Variants in WASHC2C observed in about 807,000 individuals in gnomAD.
WASHC2C encodes the protein WASH complex subunit 2C.
In WASHC2C, 73 loss-of-function variants were observed where a neutral mutation model predicts 142.2. That is an observed-to-expected ratio of 0.51 (90% CI 0.43 to 0.62). The LOEUF is 0.62. WASHC2C is among the 20% of genes least tolerant of loss of function. WASHC2C has a pLI of 0.00. For synonymous variants in WASHC2C, 337 were observed against 565.5 expected (o/e 0.60, Z 5.73); for missense variants, 969 against 1,531.7 (o/e 0.63, Z 6.13).
intron 30 of WASHC2C, among the ~76,000 whole-genome samples, chr10:45,791,459 A>C (rs1360342901): frequency 6.8e-6 from 1 of 147,266 alleles, no homozygotes; most frequent in East Asian, 1.9e-4. Context: ...ATCAATATAT[A>C]CCCACCTTTT....
intron 3 of WASHC2C, among the ~76,000 whole-genome samples, chr10:45,732,502 A>T (rs2134075190): frequency 6.6e-6 from 1 of 152,332 alleles, no homozygotes; most frequent in South Asian, 2.1e-4. Context: ...CAAGTGCCAT[A>T]GTTAATGACT....
intron 7 of WASHC2C, among the ~76,000 whole-genome samples, chr10:45,745,928 AC>A (rs1350293563): frequency 2.0e-4 from 14 of 68,492 alleles, no homozygotes; most frequent in African/African-American, 7.9e-4. Context: ...CCCTCCCCCC[AC>A]CCCACCACAG....
chr10:45,745,874 C>T (rs2052754620), intron 7 of WASHC2C, among the ~76,000 whole-genome samples: 1 of 149,174 alleles, frequency 6.7e-6, no homozygotes, highest in South Asian at 2.2e-4. Context: ...CACCCATTAA[C>T]TCGTCATCTA....
chr10:45,790,030 G>A (rs1450710653), intron 29 of WASHC2C, among the ~76,000 whole-genome samples: 25 of 152,348 alleles, frequency 1.6e-4, no homozygotes, highest in African/African-American at 5.5e-4. Context: ...TACAAACAGG[G>A]CAATGGATAA....
In WASHC2C at chr10:45,749,835, A is replaced by AT. The variant is rs1554873198; in HGVS notation, c.733-261_733-260insT. Among the ~76,000 whole-genome samples, 435 of 117,174 alleles carry AT rather than the reference A, an allele frequency of 3.7e-3. 3 individuals are homozygous for AT. Among genetic ancestry groups the AT allele is most frequent in the East Asian group, 0.016 (54 of 3,328 alleles). The allele number at this position is 117,174 out of a possible 152,430, so 76.9% of individuals were successfully genotyped here. A position where few individuals can be genotyped will look rare whatever the true frequency, so the allele number is the denominator to read the frequency against. Reference sequence around the variant, plus strand: ...AGCAAGACTCCATCTCAAAAAAAAAAAATATATATATATATATATATTTAT... The same window carrying AT: ...AGCAAGACTCCATCTCAAAAAAAAAATAATATATATATATATATATATTTAT... On this transcript the variant is annotated intron_variant, in intron 8 of 30. Transcript: ENST00000623400.
rs1158044521 is a variant in WASHC2C, at chr10:45,780,752, TTC to T, written c.2478+1619_2478+1620del. Among the ~76,000 whole-genome samples the T allele has an allele frequency of 9.3e-5, 14 of 150,518 alleles. No homozygotes were observed. In the East Asian group the frequency reaches 2.3e-3, roughly 25 times the overall value. On this transcript the variant is annotated intron_variant, in intron 23 of 30. Transcript: ENST00000623400. ...CTTACAAAAGTTACTACTAGTAACT[TTC>T]TTTTTTTTTTTTTTTTGCAATGGAG...
At chr10:45,730,981 A>C (rs1325247004) in intron 3 of WASHC2C, among the ~76,000 whole-genome samples, 1 of 150,880 alleles carries the variant, frequency 6.6e-6, no homozygotes, top group Non-Finnish European at 1.5e-5. Context: ...GTACCAGATC[A>C]ATACTTCAGT....
intron 5 of WASHC2C, among the ~76,000 whole-genome samples, chr10:45,743,003 T>C (rs1200660414): frequency 6.6e-6 from 1 of 151,806 alleles, no homozygotes; most frequent in Non-Finnish European, 1.5e-5. Flanking sequence ...GCCTCCCGAG[T>C]AGCTAGGATG....
chr10:45,727,119 A>G (rs192306109), upstream of WASHC2C: 15,817 of 1,411,072 alleles, frequency 0.011, 79 homozygotes, highest in Non-Finnish European at 0.014. Flanking sequence ...GTAGAACCCC[A>G]AACTCCAGTC....
At chr10:45,739,183 A>G (rs1358039383) in intron 4 of WASHC2C, among the ~76,000 whole-genome samples, 1 of 151,384 alleles carries the variant, frequency 6.6e-6, no homozygotes, top group Non-Finnish European at 1.5e-5. Context: ...TAGCTATTTA[A>G]CTCAGAATCA....
Position 45,754,922 on chromosome 10 carries a change from C to G in WASHC2C, c.1241-14C>G. 1 of 1,611,942 alleles carries G rather than the reference C, an allele frequency of 6.2e-7. No individual in the cohort carries two copies. On this transcript the variant is annotated splice_polypyrimidine_tract_variant and intron_variant, in intron 14 of 30. Coordinates refer to ENST00000623400, the MANE Select transcript of WASHC2C (RefSeq NM_001330074.2). ...TGGCTCACAGCTGTGGCTGTCTTGTCCCTTCACTCACAGGAGACACGGATG... is the reference window on the plus strand; with the variant it reads ...TGGCTCACAGCTGTGGCTGTCTTGTGCCTTCACTCACAGGAGACACGGATG...
chr10:45,787,361 G>A, intron 28 of WASHC2C, 114 bp downstream of exon 28: 1 of 1,486,566 alleles, frequency 6.7e-7, no homozygotes, highest in Non-Finnish European at 9.2e-7. Context: ...TTTTGAAGGA[G>A]GTGCCTCATC....
chr10:45,749,840 T>A lies in WASHC2C; in HGVS notation c.733-256T>A, dbSNP rs1360584107. Among the ~76,000 whole-genome samples, 576 of 67,206 alleles carry A rather than the reference T, an allele frequency of 8.6e-3. 3 individuals carry two copies. The highest frequency in any genetic ancestry group is 0.011 in the Non-Finnish European group (370 of 34,996). 44.1% of individuals were successfully genotyped at this position (67,206 alleles called of 152,430 possible). On this transcript the variant is annotated intron_variant, in intron 8 of 30. Transcript: ENST00000623400. Reference sequence around the variant, plus strand: ...GACTCCATCTCAAAAAAAAAAAATATATATATATATATATATTTATATATA... The same window carrying A: ...GACTCCATCTCAAAAAAAAAAAATAAATATATATATATATATTTATATATA...
chr10:45,770,326 T>C (rs1297033508), intron 20 of WASHC2C, among the ~76,000 whole-genome samples: 56 of 146,484 alleles, frequency 3.8e-4, no homozygotes, highest in African/African-American at 1.3e-3. Flanking sequence ...TGTAGAGCTG[T>C]GCAGTATCAC....
rs1589956309 is a variant in WASHC2C at position 45,786,507 on chromosome 10, C to T, written c.2812-105C>T. ...GAATGCCTTTCCCATTAAAGAGCTA[C>T]AGAAAGTGACAGTTTTGCTCCATCA... is the stretch of plus-strand genomic sequence containing the variant. On this transcript the variant is annotated intron_variant, in intron 26 of 30. Transcript: ENST00000623400. The T allele has an allele frequency of 9.4e-6, 11 of 1,167,250 alleles. No homozygotes were observed. In the East Asian group the frequency reaches 1.4e-4, roughly 15 times the overall value. The allele number at this position is 1,167,250 out of a possible 1,614,324, so 72.3% of individuals were successfully genotyped here. A position where few individuals can be genotyped will look rare whatever the true frequency, so the allele number is the denominator to read the frequency against.
intron 8 of WASHC2C, 145 bp from the exon 9 acceptor site, chr10:45,749,951 C>G (rs2053396139): frequency 8.4e-6 from 5 of 597,844 alleles, no homozygotes; most frequent in Non-Finnish European, 1.2e-5. Flanking sequence ...TCCAGCACAT[C>G]TTTTGCTTCA....
intron 23 of WASHC2C, among the ~76,000 whole-genome samples, chr10:45,784,244 GTGTGTGTGTATATATA>G (rs1564818883): frequency 2.6e-5 from 1 of 38,922 alleles, no homozygotes; most frequent in African/African-American, 8.2e-5. Flanking sequence ...ATATATATGT[GTGTGTGTGTATATATA>G]TATATATATA....
At chr10:45,791,210 CCA>C (rs1161948708) in intron 30 of WASHC2C, among the ~76,000 whole-genome samples, 3 of 152,218 alleles carry the variant, frequency 2.0e-5, no homozygotes, top group Non-Finnish European at 4.4e-5. Flanking sequence ...TGCTGCAGAG[CCA>C]CACACTGGCT....
chr10:45,758,788 C>G (rs1589758609), intron 16 of WASHC2C, among the ~76,000 whole-genome samples: 1 of 149,834 alleles, frequency 6.7e-6, no homozygotes, highest in Non-Finnish European at 1.5e-5. Context: ...TTTGTGGAGA[C>G]GGGTTTTGCC....
Sources: allele counts gnomAD v4.1 joint callset (sites outside exome capture counted in the v4.1 genomes callset), GRCh38; gene constraint gnomAD v4.1.1; transcripts MANE v1.5; gene names NCBI Gene and HGNC (gene_info 2026-07-23, HGNC 2026-07-21).